The following FAT4 variants were observed in gnomAD, a reference collection of about 807,000 sequenced individuals.
FAT4 encodes the protein protocadherin Fat 4.
FAT4 carries 84 observed loss-of-function variants against 303.9 expected under a neutral mutation model. The ratio of observed to expected loss-of-function variants is 0.28; its 90% CI spans 0.23 to 0.33. FAT4 has a LOEUF of 0.33. Ranked by LOEUF, FAT4 falls within the 10% of genes least tolerant of loss-of-function variation. FAT4 has a pLI of 1.00. For synonymous variants in FAT4, 2,307 were observed against 2,298.8 expected (o/e 1.00, Z -0.10); for missense variants, 6,005 against 6,146.8 (o/e 0.98, Z 0.77).
chr4:125,354,517 T>C (rs1578552395), intron 2 of FAT4, among the ~76,000 whole-genome samples: 1 of 151,832 alleles, frequency 6.6e-6, no homozygotes, highest in East Asian at 1.9e-4. Flanking sequence ...TTATAGTGTA[T>C]ACTAGGTAAG....
intron 11 of FAT4, among the ~76,000 whole-genome samples, chr4:125,468,034 G>A (rs1002378219): frequency 1.3e-5 from 2 of 152,040 alleles, no homozygotes; most frequent in African/African-American, 4.8e-5. Context: ...CATGGTTCCC[G>A]GCACCTATAA....
At chr4:125,402,555 T>G (rs1288327339) in intron 3 of FAT4, among the ~76,000 whole-genome samples, 1 of 152,062 alleles carries the variant, frequency 6.6e-6, no homozygotes, top group Non-Finnish European at 1.5e-5. Flanking sequence ...TTAAATGTGC[T>G]TTGAGGCATT....
chr4:125,422,007 T>G (rs1050681455), intron 7 of FAT4, among the ~76,000 whole-genome samples: 6 of 152,198 alleles, frequency 3.9e-5, no homozygotes, highest in African/African-American at 1.4e-4. Context: ...CTTTTTTACT[T>G]TATTCATTTC....
chr4:125,415,371 A>G lies in FAT4; in HGVS notation c.6408A>G (p.Ser2136=), dbSNP rs760022203. 3 of 1,614,042 alleles carry G rather than the reference A, an allele frequency of 1.9e-6. No individual in the cohort carries two copies. The highest frequency in any genetic ancestry group is 2.5e-6 in the Non-Finnish European group (3 of 1,179,966). Residue 2136 remains serine, a synonymous_variant, in exon 6 of 18, where the codon TCA becomes TCG. Transcript: ENST00000394329. Reference sequence around the variant, plus strand: ...ACAAAGGTCAACCATCTCTCTCTTCATCTACAGAGGTTGTAGTTATGGTAC... The same window carrying G: ...ACAAAGGTCAACCATCTCTCTCTTCGTCTACAGAGGTTGTAGTTATGGTAC... ...ATDKGQPSLS[S]STEVVVMVLD...
Position 125,415,723 on chromosome 4 carries a change from G to A in FAT4, c.6760G>A (p.Asp2254Asn). Residue 2254 changes from aspartate (D) to asparagine (N), a missense_variant, in exon 6 of 18, where the codon GAC (aspartate) becomes AAC (asparagine). Coordinates refer to ENST00000394329, the MANE Select transcript of FAT4 (RefSeq NM_001291303.3). The part of the protein sequence containing the change: ...TVSIVLLDIN[D>N]FVPVFELSPY... Reference sequence around the variant, plus strand: ...CAGCATTGTTCTACTGGATATTAATGACTTTGTTCCTGTATTTGAGCTATC... The same window carrying A: ...CAGCATTGTTCTACTGGATATTAATAACTTTGTTCCTGTATTTGAGCTATC... 1 of 1,613,926 alleles carries A rather than the reference G, an allele frequency of 6.2e-7. No individual in the cohort carries two copies. The highest frequency in any genetic ancestry group is 8.5e-7 in the Non-Finnish European group (1 of 1,179,898).
Position 125,316,679 on chromosome 4 carries a change from C to G in FAT4, c.268C>G (p.Leu90Val). 1 of 1,613,646 alleles carries G rather than the reference C, an allele frequency of 6.2e-7. No individual in the cohort carries two copies. Among genetic ancestry groups the G allele is most frequent in the Non-Finnish European group, 8.5e-7 (1 of 1,180,028 alleles). The part of the protein sequence containing the change: ...LFAINSSTGA[L>V]YTTSTIDRES... ...TGCCATAAACAGTAGCACCGGAGCC[C>G]TGTACACCACCTCCACCATCGACCG... Residue 90 changes from leucine to valine, a missense_variant, in exon 2 of 18, where the codon CTG becomes GTG. Physicochemically the swap from Leu to Val is conservative, Grantham distance 32. Coordinates refer to ENST00000394329, the MANE Select transcript of FAT4 (RefSeq NM_001291303.3). The surrounding 1 kb of genome is among the most constrained non-coding windows in gnomAD (Gnocchi z 5.7).
intron 12 of FAT4, among the ~76,000 whole-genome samples, chr4:125,474,890 T>C (rs550564364): frequency 1.2e-4 from 19 of 152,120 alleles, no homozygotes; most frequent in Admixed American, 2.6e-4. Context: ...AAGTTTGGCA[T>C]GTTATTAGTC....
intron 3 of FAT4, 120 bp from the exon 4 acceptor site, chr4:125,406,760 T>C (rs1172270881): frequency 9.2e-7 from 1 of 1,083,656 alleles, no homozygotes; most frequent in Non-Finnish European, 1.3e-6. Context: ...TTAAGTCTTA[T>C]AATATCATAT....
Position 125,490,076 on chromosome 4 carries a change from G to A in FAT4, c.13260G>A (p.Gln4420=), listed in dbSNP as rs770683738. ...PCWGDLLCIN[Q]WYAYRCVPPG... The stretch of plus-strand genomic sequence containing the variant: ...GGGGTGATTTGCTGTGCATTAATCA[G>A]TGGTATGCCTACAGGTGTGTCCCTC... Residue 4420 remains glutamine (Q), a synonymous_variant, in exon 18 of 18, where the codon CAG becomes CAA. Transcript: ENST00000394329. 12 of 1,613,950 alleles carry A rather than the reference G, an allele frequency of 7.4e-6. No homozygotes were observed. The highest frequency in any genetic ancestry group is 1.7e-5 in the Admixed American group (1 of 59,998).
At chr4:125,359,718 T>A (rs1158519959) in intron 2 of FAT4, among the ~76,000 whole-genome samples, 1 of 151,998 alleles carries the variant, frequency 6.6e-6, no homozygotes, top group East Asian at 1.9e-4. Flanking sequence ...CAGAAGAAAA[T>A]CGTACTTTCA....
At position 125,317,716 on chromosome 4, in the gene FAT4, C is replaced by T; in HGVS notation, c.1305C>T (p.Asn435=). The change falls in exon 2 of 18, where the codon AAC becomes AAT. Residue 435 remains asparagine (N), a synonymous_variant. Transcript: ENST00000394329. This position sits in a 1 kb window ranked among gnomAD's most constrained non-coding sequence, Gnocchi z 7.0. ...ACCGCGAGCGCATCCCTTCCTACAA[C>T]CTCACAGTTTCCGTCTCTGATAACT... ...ALDRERIPSY[N]LTVSVSDNYG... The T allele has an allele frequency of 1.2e-6, 2 of 1,614,134 alleles. No individual in the cohort carries two copies. The highest frequency in any genetic ancestry group is 8.5e-7 in the Non-Finnish European group (1 of 1,180,034).
At chr4:125,484,597 G>A (rs931345261) in intron 16 of FAT4, among the ~76,000 whole-genome samples, 1 of 152,042 alleles carries the variant, frequency 6.6e-6, no homozygotes, top group Non-Finnish European at 1.5e-5. Flanking sequence ...AATGCATTTC[G>A]ATAAATGCAT....
Position 125,414,861 on chromosome 4 carries a change from T to A in FAT4, c.5921-23T>A, listed in dbSNP as rs374890941. 6,230 of 1,538,670 alleles carry A rather than the reference T, an allele frequency of 4.0e-3. 37 individuals carry two copies. The highest frequency in any genetic ancestry group is 0.01 in the Middle Eastern group (59 of 5,752). The stretch of plus-strand genomic sequence containing the variant: ...TGCAATCAGCATATGTTTAAGAAAA[T>A]TTTTTCTTCCCTTTAATTTCAGGCA... On this transcript the variant is annotated intron_variant, in intron 5 of 17. Transcript: ENST00000394329.
In FAT4 at chr4:125,421,104, A is replaced by G. The variant is rs138485058; in HGVS notation, c.7018+4482A>G. ...TGCCTGGCTAATTTTTTTTTATTTTAGTAGAGACAGGGTTTCACCATGTTG... is the reference window on the plus strand; with the variant it reads ...TGCCTGGCTAATTTTTTTTTATTTTGGTAGAGACAGGGTTTCACCATGTTG... On this transcript the variant is annotated intron_variant, in intron 7 of 17. Coordinates refer to ENST00000394329, the MANE Select transcript of FAT4 (RefSeq NM_001291303.3). Among the ~76,000 whole-genome samples, 522 of 152,124 alleles carry G rather than the reference A, an allele frequency of 3.4e-3. 3 individuals are homozygous for G. The highest frequency in any genetic ancestry group is 0.012 in the African/African-American group (498 of 41,512).
In FAT4 at chr4:125,415,335, G is replaced by C. The variant is rs763045690; in HGVS notation, c.6372G>C (p.Val2124=). ...AAGTTTCTAATTATACTCTAACAGT[G>C]GTGGCTACAGACAAAGGTCAACCAT... ...REEVSNYTLT[V]VATDKGQPSL... is the part of the protein sequence containing the mutation. Residue 2124 remains valine (V), a synonymous_variant, in exon 6 of 18, where the codon GTG becomes GTC. Transcript: ENST00000394329. 1 of 1,613,984 alleles carries C rather than the reference G, an allele frequency of 6.2e-7. No individual in the cohort carries two copies. The highest frequency in any genetic ancestry group is 8.5e-7 in the Non-Finnish European group (1 of 1,179,952).
chr4:125,345,821 C>G (rs1230480837), intron 2 of FAT4, among the ~76,000 whole-genome samples: 1 of 151,866 alleles, frequency 6.6e-6, no homozygotes, highest in Admixed American at 6.6e-5. Context: ...TAAATGTTAA[C>G]CAGGTAGATT....
chr4:125,361,074 G>T (rs1732647328), intron 2 of FAT4, among the ~76,000 whole-genome samples: 1 of 150,888 alleles, frequency 6.6e-6, no homozygotes, highest in Non-Finnish European at 1.5e-5. Context: ...TAAATTTAGT[G>T]TCAAATTGCT....
chr4:125,373,256 A>G (rs1733193106), intron 2 of FAT4, among the ~76,000 whole-genome samples: 1 of 152,206 alleles, frequency 6.6e-6, no homozygotes, highest in South Asian at 2.1e-4. Context: ...AATTGTTCAA[A>G]TCAGAATTGC....
In FAT4 at chr4:125,406,906, T is replaced by C. The variant is rs1190221121; in HGVS notation, c.5334T>C (p.Thr1778=). 2 of 1,613,852 alleles carry C rather than the reference T, an allele frequency of 1.2e-6. No homozygotes were observed. The highest frequency in any genetic ancestry group is 1.7e-6 in the Non-Finnish European group (2 of 1,179,826). The part of the protein sequence containing the change: ...DEGANALVTY[T]IISGADDSFR... Reference sequence around the variant, plus strand: ...GTGCAAATGCTCTCGTCACATACACTATCATTAGTGGAGCTGATGATAGTT... The same window carrying C: ...GTGCAAATGCTCTCGTCACATACACCATCATTAGTGGAGCTGATGATAGTT... The change falls in exon 4 of 18, where the codon ACT becomes ACC. Residue 1778 remains threonine (T), a synonymous_variant. Transcript: ENST00000394329.
Sources: gnomAD v4.1 joint callset for allele counts (sites outside exome capture counted in the v4.1 genomes callset) on GRCh38, gnomAD v4.1.1 for gene constraint, Gnocchi (gnomAD v3.1) non-coding constraint, MANE v1.5 for transcripts, NCBI Gene and HGNC (gene_info 2026-07-23, HGNC 2026-07-21) for gene names.